The following P4HA1 variants were observed in gnomAD, a reference collection of about 807,000 sequenced individuals.
P4HA1 encodes prolyl 4-hydroxylase subunit alpha 1, also known as prolyl 4-hydroxylase subunit alpha-1.
In P4HA1, 24 loss-of-function variants were observed where a neutral mutation model predicts 72.8. The ratio of observed to expected loss-of-function variants is 0.33; its 90% CI spans 0.24 to 0.46. The LOEUF (loss-of-function observed/expected upper bound fraction) is 0.46. Among genes scored for constraint, P4HA1 ranks in the 20% least tolerant of loss-of-function variants. The probability of loss-of-function intolerance (pLI) is 1.00; values close to 1 mark genes in which losing one functional copy is unlikely to be tolerated. For synonymous variants in P4HA1, 201 were observed against 218.8 expected (o/e 0.92, Z 0.72); for missense variants, 446 against 640.6 (o/e 0.70, Z 3.28).
At chr10:73,054,848 T>C (rs778470576) in intron 5 of P4HA1, among the ~76,000 whole-genome samples, 1 of 152,200 alleles carries the variant, frequency 6.6e-6, no homozygotes, top group South Asian at 2.1e-4. Context: ...TGGTGACTAG[T>C]TATGTTGGGC....
chr10:73,009,790 A>C lies in P4HA1; in HGVS notation c.1534+17T>G, dbSNP rs777956348. On this transcript the variant is annotated intron_variant, in intron 14 of 14. Coordinates refer to ENST00000394890, the MANE Select transcript of P4HA1 (RefSeq NM_001017962.3). ...ACAAAAATTACATTATCTTCGCAGA[A>C]TATATGAAATATTTACCCCATTTGT... 1 of 1,367,056 alleles carries C rather than the reference A, an allele frequency of 7.3e-7. No individual in the cohort carries two copies. Among genetic ancestry groups the C allele is most frequent in the South Asian group, 1.2e-5 (1 of 85,846 alleles). The allele number at this position is 1,367,056 out of a possible 1,614,324, so 84.7% of individuals were successfully genotyped here.
chr10:73,068,874 T>C lies in P4HA1; in HGVS notation c.435A>G (p.Thr145=), dbSNP rs1841485204. 4 of 1,612,680 alleles carry C rather than the reference T, an allele frequency of 2.5e-6. No homozygotes were observed. In the African/African-American group the frequency reaches 4.0e-5, roughly 16 times the overall value. The change falls in exon 5 of 15, where the codon ACA becomes ACG. Residue 145 remains threonine, a synonymous_variant. Transcript: ENST00000394890. The stretch of plus-strand genomic sequence containing the variant: ...GAAGATTACCCTTTGAGATGGTATC[T>C]GTATCCAAATTGTAGGTATCCTGGA... The part of the protein sequence containing the change: ...LRLQDTYNLD[T]DTISKGNLPG...
intron 1 of P4HA1, among the ~76,000 whole-genome samples, chr10:73,082,130 A>G (rs1471260765): frequency 1.3e-5 from 2 of 152,238 alleles, no homozygotes; most frequent in Non-Finnish European, 2.9e-5. Flanking sequence ...AGGCTTTGTT[A>G]GATGATTTTG....
intron 10 of P4HA1, among the ~76,000 whole-genome samples, chr10:73,029,987 G>A (rs958270080): frequency 2.0e-5 from 3 of 151,950 alleles, no homozygotes; most frequent in South Asian, 2.1e-4. Flanking sequence ...TGAGGCCTGG[G>A]GGATAGAAAA....
At chr10:73,035,889 T>C (rs1840558513) in intron 9 of P4HA1, among the ~76,000 whole-genome samples, 1 of 152,208 alleles carries the variant, frequency 6.6e-6, no homozygotes, top group African/African-American at 2.4e-5. Context: ...CATTTCTTGT[T>C]ATATCATAAC....
chr10:73,086,359 T>C (rs1434474161), intron 1 of P4HA1, among the ~76,000 whole-genome samples: 1 of 152,250 alleles, frequency 6.6e-6, no homozygotes. Context: ...AGAAATGAAG[T>C]ACTGATATAT....
At chr10:73,075,058 A>G (rs1284750054) in intron 1 of P4HA1, 143 bp from the exon 2 acceptor site, 1 of 528,926 alleles carries the variant, frequency 1.9e-6, no homozygotes, top group Non-Finnish European at 3.4e-6. Context: ...ATTGTTTAAT[A>G]ATAGCTACTA....
At chr10:73,016,421 C>T (rs1183010569) in intron 11 of P4HA1, among the ~76,000 whole-genome samples, 1 of 152,160 alleles carries the variant, frequency 6.6e-6, no homozygotes, top group Non-Finnish European at 1.5e-5. Context: ...TCGCAATGGT[C>T]CCCCCTTGAA....
chr10:73,053,640 A>G, intron 5 of P4HA1, 50 bp from the exon 6 acceptor site: 1 of 1,503,462 alleles, frequency 6.7e-7, no homozygotes, highest in Non-Finnish European at 9.0e-7. Flanking sequence ...ACTACTGTGT[A>G]TTTATTTAGG....
chr10:73,059,462 G>T (rs1407339070), intron 5 of P4HA1, among the ~76,000 whole-genome samples: 1 of 51,692 alleles, frequency 1.9e-5, no homozygotes, highest in East Asian at 4.2e-4. Flanking sequence ...AAAAAAAAAA[G>T]GCTGGGCGCA....
intron 10 of P4HA1, among the ~76,000 whole-genome samples, chr10:73,025,773 T>C (rs1416640814): frequency 6.6e-6 from 1 of 152,198 alleles, no homozygotes; most frequent in Non-Finnish European, 1.5e-5. Flanking sequence ...AGTCTCAGGA[T>C]ACAAAATCAA....
rs59200288 is a variant in P4HA1, at chr10:73,086,933, C to CAA, written c.-33+9831_-33+9832dup. On this transcript the variant is annotated intron_variant, in intron 1 of 14. Transcript: ENST00000394890. ...TGGGTAAAAGAGTGAGAGTGCATCT[C>CAA]AAAAAAAAAAAAAAAAAAAAAAAAA... Among the ~76,000 whole-genome samples the CAA allele has an allele frequency of 1.4e-3, 45 of 33,034 alleles. 1 individual carries two copies. Among genetic ancestry groups the CAA allele is most frequent in the Non-Finnish European group, 2.1e-3 (27 of 12,896 alleles). 21.7% of individuals were successfully genotyped at this position (33,034 alleles called of 152,430 possible). A position where few individuals can be genotyped will look rare whatever the true frequency, so the allele number is the denominator to read the frequency against.
At chr10:73,042,630 AC>A (rs1458782628) in intron 9 of P4HA1, among the ~76,000 whole-genome samples, 1 of 151,858 alleles carries the variant, frequency 6.6e-6, no homozygotes, top group Admixed American at 6.5e-5. Flanking sequence ...ATTTTTTAAT[AC>A]TTGGACATTT....
intron 5 of P4HA1, among the ~76,000 whole-genome samples, chr10:73,060,753 AC>A (rs1841294065): frequency 6.6e-6 from 1 of 152,206 alleles, no homozygotes; most frequent in African/African-American, 2.4e-5. Context: ...GATGCTCCCC[AC>A]TGGCCTAAAA....
At chr10:73,050,107 AGTGAGCC>A (rs1256101883) in intron 7 of P4HA1, among the ~76,000 whole-genome samples, 6 of 151,630 alleles carry the variant, frequency 4.0e-5, no homozygotes, top group Admixed American at 3.9e-4. Flanking sequence ...CGGAGGTTGC[AGTGAGCC>A]GAGACTGCGC....
In P4HA1 at chr10:73,046,945, T is replaced by C. The variant is rs771498666; in HGVS notation, c.1057A>G (p.Lys353Glu). 6.2e-7 allele frequency: 1 copy of C among 1,611,612 alleles called. No homozygotes were observed. Among genetic ancestry groups the C allele is most frequent in the South Asian group, 1.1e-5 (1 of 90,638 alleles). The change falls in exon 8 of 15, where the codon AAA (lysine) becomes GAA (glutamate). Residue 353 changes from lysine to glutamate, a missense_variant. Coordinates refer to ENST00000394890, the MANE Select transcript of P4HA1 (RefSeq NM_001017962.3). The stretch of plus-strand genomic sequence containing the variant: ...TTTACCCTTGGTTTTGCTAGGTCTT[T>C]GACGATTTCAATTTCTGCATCAGAA... ...IISDAEIEIVKDLAKPRLRRA... is the reference protein window; with the variant it reads ...IISDAEIEIVEDLAKPRLRRA...
intron 13 of P4HA1, among the ~76,000 whole-genome samples, chr10:73,010,264 G>C (rs567940428): frequency 3.9e-5 from 6 of 152,024 alleles, no homozygotes; most frequent in Admixed American, 1.3e-4. Flanking sequence ...CACCGTGCCC[G>C]GCCGTTTTCA....
At chr10:73,088,570 G>C (rs780708211) in intron 1 of P4HA1, among the ~76,000 whole-genome samples, 3 of 152,180 alleles carry the variant, frequency 2.0e-5, no homozygotes, top group Admixed American at 1.3e-4. Flanking sequence ...CCTTGACCTT[G>C]AGGAGTCCTT....
intron 6 of P4HA1, among the ~76,000 whole-genome samples, chr10:73,053,083 T>C (rs1420657143): frequency 1.3e-5 from 2 of 152,208 alleles, no homozygotes; most frequent in Non-Finnish European, 2.9e-5. Context: ...ACAAACATTT[T>C]TGACTTAGTT....
Sources: allele counts gnomAD v4.1 joint callset (sites outside exome capture counted in the v4.1 genomes callset), GRCh38; gene constraint gnomAD v4.1.1; transcripts MANE v1.5; gene names NCBI Gene and HGNC (gene_info 2026-07-23, HGNC 2026-07-21).